The following POLG2 variants were observed in gnomAD, a reference collection of about 807,000 sequenced individuals.
POLG2 encodes the protein DNA polymerase gamma 2, accessory subunit, also known as DNA polymerase subunit gamma-2.
Under a neutral mutation model 56.5 loss-of-function variants are expected in POLG2, and 50 were observed. The observed-to-expected ratio is 0.88, with a 90% confidence interval of 0.71 to 1.12. POLG2 has a LOEUF of 1.12. Ranked by LOEUF, POLG2 falls within the 50% of genes most tolerant of loss-of-function variation. POLG2 has a pLI of 0.00. For missense variants in POLG2, 584 were observed against 583.3 expected, an observed-to-expected ratio of 1.00 and a Z score of -0.01; for synonymous variants, 226 against 222.6, an observed-to-expected ratio of 1.02 and a Z score of -0.14.
chr17:64,481,587 G>C (rs1568082054), intron 6 of POLG2: 1 of 231,636 alleles, frequency 4.3e-6, no homozygotes, highest in African/African-American at 2.3e-5. Context: ...GTTCAAAGGG[G>C]AAAGGCTGCG....
intron 5 of POLG2, among the ~76,000 whole-genome samples, chr17:64,483,685 T>C (rs2037902784): frequency 6.6e-6 from 1 of 151,814 alleles, no homozygotes. Flanking sequence ...TTTATATATA[T>C]TTTTTTGAAT....
chr17:64,491,660 C>A, intron 3 of POLG2: 3 of 1,337,546 alleles, frequency 2.2e-6, no homozygotes, highest in Non-Finnish European at 2.1e-6. Context: ...ACTGGTACTA[C>A]AACAAGTACA....
chr17:64,493,588 C>A (rs1272741084), intron 1 of POLG2, among the ~76,000 whole-genome samples: 1 of 151,984 alleles, frequency 6.6e-6, no homozygotes, highest in Non-Finnish European at 1.5e-5. Flanking sequence ...GGGTTCATGC[C>A]ATTCTCCTGC....
rs2038157738 is a variant in POLG2 at position 64,496,661 on chromosome 17, C to A, written c.308G>T (p.Gly103Val). 2.5e-6 allele frequency: 4 copies of A among 1,614,036 alleles called. No homozygotes were observed. Among genetic ancestry groups the A allele is most frequent in the Admixed American group, 3.3e-5 (2 of 60,014 alleles). Residue 103 changes from glycine to valine, a missense_variant, in exon 1 of 8, where the codon GGC becomes GTC. Gly to Val is a moderately radical substitution (Grantham distance 109, BLOSUM62 -3). Transcript: ENST00000539111. ...SGCHPGFGPL[G>V]VELRKNLAAE... The stretch of plus-strand genomic sequence containing the variant: ...GGCCAGGTTCTTCCGCAACTCTACG[C>A]CCAAGGGTCCGAAGCCGGGGTGGCA...
intron 4 of POLG2, chr17:64,487,383 G>GA: frequency 2.0e-5 from 3 of 152,308 alleles, no homozygotes; most frequent in Middle Eastern, 6.8e-3. Flanking sequence ...GGAGGCCATG[G>GA]TGGACGAATC....
chr17:64,483,154 T>G (rs1217335251), intron 5 of POLG2, among the ~76,000 whole-genome samples, 155 bp from the exon 6 acceptor site: 1 of 152,172 alleles, frequency 6.6e-6, no homozygotes, highest in Non-Finnish European at 1.5e-5. Context: ...GCTGAGGTCA[T>G]AAAAACACCA....
chr17:64,492,759 T>C lies in POLG2; in HGVS notation c.703A>G (p.Thr235Ala), dbSNP rs148941150. 1.3e-4 allele frequency: 202 copies of C among 1,611,754 alleles called. No individual in the cohort carries two copies. The highest frequency in any genetic ancestry group is 1.6e-4 in the Non-Finnish European group (187 of 1,178,038). Residue 235 changes from threonine to alanine, a missense_variant, in exon 3 of 8, where the codon ACT (threonine) becomes GCT (alanine). By Grantham distance (58) the Thr-to-Ala change is moderately conservative. Coordinates refer to ENST00000539111, the MANE Select transcript of POLG2 (RefSeq NM_007215.4). ...RNGVKSIGEK[T>A]EASLVWFTPP... is the part of the protein sequence containing the mutation. Reference sequence around the variant, plus strand: ...GTAAACCATACTAACGAAGCTTCAGTCTTCTCACCAATACTTTAGATATAA... The same window carrying C: ...GTAAACCATACTAACGAAGCTTCAGCCTTCTCACCAATACTTTAGATATAA...
intron 3 of POLG2, chr17:64,491,378 T>G: frequency 1.8e-6 from 1 of 567,400 alleles, no homozygotes. Flanking sequence ...GGGGATCACT[T>G]GAGCTTAGGA....
intron 7 of POLG2, 48 bp from the exon 8 acceptor site, chr17:64,478,036 TA>T: frequency 6.3e-7 from 1 of 1,588,402 alleles, no homozygotes; most frequent in Non-Finnish European, 8.6e-7. Flanking sequence ...ATGTAAATAA[TA>T]AATTCCTCCA....
chr17:64,488,559 C>A (rs1555667920), intron 4 of POLG2, among the ~76,000 whole-genome samples: 1 of 151,996 alleles, frequency 6.6e-6, no homozygotes, highest in African/African-American at 2.4e-5. Context: ...AAAAAAAGAA[C>A]AAAATAAGAC....
rs1598137872 is a variant in POLG2 at position 64,495,713 on chromosome 17, A to T, written c.562+694T>A. On this transcript the variant is annotated intron_variant, in intron 1 of 7. Coordinates refer to ENST00000539111, the MANE Select transcript of POLG2 (RefSeq NM_007215.4). ...AATAACAACTAACCCAACTATTTGA[A>T]TTTTTTTTTTTTAAGACGGAGTTTT... Among the ~76,000 whole-genome samples the T allele has an allele frequency of 4.1e-5, 6 of 147,992 alleles. No individual in the cohort carries two copies. In the South Asian group the frequency reaches 1.3e-3, roughly 32 times the overall value.
intron 5 of POLG2, among the ~76,000 whole-genome samples, chr17:64,483,570 A>C (rs1208824715): frequency 6.6e-6 from 1 of 150,956 alleles, no homozygotes; most frequent in Non-Finnish European, 1.5e-5. Flanking sequence ...CAACTCCCTC[A>C]GTCAAAATGC....
intron 4 of POLG2, chr17:64,487,600 T>G (rs1598127237): frequency 8.3e-6 from 1 of 121,010 alleles, no homozygotes. Context: ...GGTGACAGAG[T>G]GAGACACCAT....
Position 64,496,392 on chromosome 17 carries a change from A to G in POLG2, c.562+15T>C. The G allele has an allele frequency of 6.5e-7, 1 of 1,534,342 alleles. No individual in the cohort carries two copies. The highest frequency in any genetic ancestry group is 8.9e-7 in the Non-Finnish European group (1 of 1,127,182). Reference sequence around the variant, plus strand: ...ACCCGACACCTGTTTTGAAGCATGAAATCGTGAAGCATACCGTGAAGAAGG... The same window carrying G: ...ACCCGACACCTGTTTTGAAGCATGAGATCGTGAAGCATACCGTGAAGAAGG... On this transcript the variant is annotated intron_variant, in intron 1 of 7. Coordinates refer to ENST00000539111, the MANE Select transcript of POLG2 (RefSeq NM_007215.4).
At position 64,496,891 on chromosome 17, in the gene POLG2, A is replaced by G; in HGVS notation, c.78T>C (p.Asp26=). ...CCGTCAACAGCTCCGGCTGCCCCGC[A>G]TCTACTCGACCCCCAAACCCAGACA... ...CLLSGFGGRV[D]AGQPELLTER... The change falls in exon 1 of 8, where the codon GAT becomes GAC. Residue 26 remains aspartate (D), a synonymous_variant. Coordinates refer to ENST00000539111, the MANE Select transcript of POLG2 (RefSeq NM_007215.4). 6.2e-7 allele frequency: 1 copy of G among 1,613,176 alleles called. No individual in the cohort carries two copies. The highest frequency in any genetic ancestry group is 8.5e-7 in the Non-Finnish European group (1 of 1,179,976).
chr17:64,496,700 G>A lies in POLG2; in HGVS notation c.269C>T (p.Ser90Phe). 6.2e-7 allele frequency: 1 copy of A among 1,614,036 alleles called. No homozygotes were observed. Residue 90 changes from serine (S) to phenylalanine (F), a missense_variant, in exon 1 of 8, where the codon TCT becomes TTT. Coordinates refer to ENST00000539111, the MANE Select transcript of POLG2 (RefSeq NM_007215.4). ...GCCGGGGTGGCACCCACTCAGAAGA[G>A]AATCCCGGCTAAGCTGCTGCTTGCT... Reference protein sequence around the residue: ...SGSKQQLSRDSLLSGCHPGFG... With the variant: ...SGSKQQLSRDFLLSGCHPGFG...
At chr17:64,483,766 A>T (rs2037904871) in intron 5 of POLG2, among the ~76,000 whole-genome samples, 1 of 151,198 alleles carries the variant, frequency 6.6e-6, no homozygotes, top group Admixed American at 6.6e-5. Context: ...CCCAGGCTAG[A>T]ATGCTCCACT....
Position 64,483,019 on chromosome 17 carries a change from G to A in POLG2, c.1111-20C>T. 2.3e-6 allele frequency: 3 copies of A among 1,307,740 alleles called. No individual in the cohort carries two copies. The highest frequency in any genetic ancestry group is 3.3e-6 in the Non-Finnish European group (3 of 905,332). 81.0% of individuals were successfully genotyped at this position (1,307,740 alleles called of 1,614,324 possible). On this transcript the variant is annotated intron_variant, in intron 5 of 7. Transcript: ENST00000539111. ...AAGTACCTAAGGCAATTAAATGGGG[G>A]AGGGAGAAGACAGGAAAGGGGAAAA...
At chr17:64,492,040 C>T (rs1555668611) in intron 3 of POLG2, among the ~76,000 whole-genome samples, 1 of 151,318 alleles carries the variant, frequency 6.6e-6, no homozygotes, top group Non-Finnish European at 1.5e-5. Context: ...GAAAGAACTA[C>T]AGAGAAAAAA....
Sources: gnomAD v4.1 joint callset for allele counts (sites outside exome capture counted in the v4.1 genomes callset) on GRCh38, gnomAD v4.1.1 for gene constraint, MANE v1.5 for transcripts, NCBI Gene and HGNC (gene_info 2026-07-23, HGNC 2026-07-21) for gene names.